FRMPD4: variants seen among roughly 807,000 people sequenced by gnomAD.
FRMPD4 encodes the protein FERM and PDZ domain containing 4, also known as FERM and PDZ domain-containing protein 4.
FRMPD4 carries 22 observed loss-of-function variants against 94.1 expected under a neutral mutation model. The ratio of observed to expected loss-of-function variants is 0.23; its 90% CI spans 0.17 to 0.33. FRMPD4 has a LOEUF of 0.33. Among genes scored for constraint, FRMPD4 ranks in the 10% least tolerant of loss-of-function variants. The pLI is 1.00. For synonymous variants in FRMPD4, 631 were observed against 548.6 expected (o/e 1.15, Z -2.10); for missense variants, 1,111 against 1,339.9 (o/e 0.83, Z 2.67).
At chrX:12,125,553 T>A (rs1435056174) in intron 3 of FRMPD4, among the ~76,000 whole-genome samples, 2 of 110,565 alleles carry the variant, frequency 1.8e-5, no homozygotes, top group Non-Finnish European at 3.8e-5. Context: ...TCCCCCCCGG[T>A]CCTTATCTGG....
intron 4 of FRMPD4, among the ~76,000 whole-genome samples, chrX:12,647,434 T>A (rs1312055225): frequency 9.0e-6 from 1 of 111,425 alleles, no homozygotes; most frequent in Non-Finnish European, 1.9e-5. Context: ...GTGGAGGTAT[T>A]TATACTCTAA....
chrX:12,452,010 T>G (rs963684513), intron 1 of FRMPD4, among the ~76,000 whole-genome samples: 2 of 110,555 alleles, frequency 1.8e-5, no homozygotes, highest in Admixed American at 9.7e-5. Context: ...TCAGAAGAGA[T>G]GCTGTATAAT....
intron 4 of FRMPD4, among the ~76,000 whole-genome samples, chrX:12,673,477 G>A (rs759301251): frequency 9.0e-6 from 1 of 111,539 alleles, no homozygotes; most frequent in South Asian, 3.8e-4. Context: ...AATTTTTGGG[G>A]GGATATAAAA....
At chrX:12,573,053 A>T (rs762645807) in intron 2 of FRMPD4, among the ~76,000 whole-genome samples, 1 of 112,554 alleles carries the variant, frequency 8.9e-6, no homozygotes, top group African/African-American at 3.2e-5. Context: ...CAGTTTCATC[A>T]TAGCGACTCT....
rs1276404481 is a variant in FRMPD4 at position 11,973,219 on chromosome X, C to T, written c.95+95201C>T. The stretch of plus-strand genomic sequence containing the variant: ...TTTTGTGTCTATTAATTCAGACTTC[C>T]ATCTATAGCTATGAATAAAGAAATC... On this transcript the variant is annotated intron_variant, in intron 3 of 18. Coordinates refer to the FRMPD4 transcript ENST00000640291. Among the ~76,000 whole-genome samples the T allele has an allele frequency of 5.3e-5, 6 of 112,516 alleles. No homozygotes were observed. In the South Asian group the frequency reaches 2.2e-3, roughly 41 times the overall value.
chrX:12,431,130 G>A (rs2057005311), intron 1 of FRMPD4, among the ~76,000 whole-genome samples: 1 of 112,657 alleles, frequency 8.9e-6, no homozygotes, highest in South Asian at 3.6e-4. Context: ...AACCCACTAT[G>A]CGTCAAGCAA....
In FRMPD4 at chrX:12,718,583, G is replaced by A; in HGVS notation, c.3757G>A (p.Gly1253Arg). 1 of 1,210,314 alleles carries A rather than the reference G, an allele frequency of 8.3e-7. No homozygotes were observed. Among genetic ancestry groups the A allele is most frequent in the Non-Finnish European group, 1.1e-6 (1 of 894,139 alleles). The change falls in exon 16 of 17, where the codon GGG (glycine) becomes AGG (arginine). Residue 1253 changes from glycine (G) to arginine (R), a missense_variant. By Grantham distance (125) the Gly-to-Arg change is moderately radical. Coordinates refer to ENST00000675598, the MANE Select transcript of FRMPD4 (RefSeq NM_001368397.1). ...LGKHLIPDAS[G>R]KGVNYIPSEE... ...GAAGCACTTGATTCCTGACGCTTCTGGGAAAGGCGTGAATTACATTCCTTC... is the reference window on the plus strand; with the variant it reads ...GAAGCACTTGATTCCTGACGCTTCTAGGAAAGGCGTGAATTACATTCCTTC...
intron 1 of FRMPD4, among the ~76,000 whole-genome samples, chrX:12,468,395 T>C (rs753057090): frequency 4.5e-5 from 5 of 111,836 alleles, no homozygotes; most frequent in Non-Finnish European, 9.4e-5. Flanking sequence ...ATGAGCAAGA[T>C]TGCATAAAAT....
chrX:11,993,085 CT>C (rs957379451), intron 3 of FRMPD4, among the ~76,000 whole-genome samples: 2 of 100,810 alleles, frequency 2.0e-5, no homozygotes, highest in African/African-American at 7.3e-5. Context: ...TTATTTTTTT[CT>C]GTTTACCAAA....
intron 1 of FRMPD4, among the ~76,000 whole-genome samples, chrX:12,338,732 C>T (rs2055564143): frequency 8.9e-6 from 1 of 112,289 alleles, no homozygotes; most frequent in South Asian, 3.7e-4. Flanking sequence ...TTAAGTTTTA[C>T]AACAACCATC....
rs1008115315 is a variant in FRMPD4, at chrX:11,841,703, T to C, written c.-161+18988T>C. Among the ~76,000 whole-genome samples the C allele has an allele frequency of 1.9e-4, 21 of 108,875 alleles. 1 individual carries two copies. Among genetic ancestry groups the C allele is most frequent in the Non-Finnish European group, 3.8e-5 (2 of 52,297 alleles). 94.5% of individuals were successfully genotyped at this position (108,875 alleles called of 115,157 possible). ...TTTCTCCCATGTTGTAGGTTGCCTGTTCACTCTGATGGTAGTTTCTTTTGC... is the reference window on the plus strand; with the variant it reads ...TTTCTCCCATGTTGTAGGTTGCCTGCTCACTCTGATGGTAGTTTCTTTTGC... On this transcript the variant is annotated intron_variant, in intron 1 of 18. Transcript: ENST00000640291.
At chrX:12,257,326 C>T (rs2054128372) in intron 1 of FRMPD4, among the ~76,000 whole-genome samples, 1 of 110,346 alleles carries the variant, frequency 9.1e-6, no homozygotes, top group African/African-American at 3.4e-5. Context: ...CCCTTTTCTA[C>T]CACCTTACAA....
chrX:12,250,038 CTCTCTCTCTCTGTG>C (rs2054012572), intron 1 of FRMPD4, among the ~76,000 whole-genome samples: 1 of 80,628 alleles, frequency 1.2e-5, no homozygotes, highest in Admixed American at 1.6e-4. Flanking sequence ...CTCTCTCTCT[CTCTCTCTCTCTGTG>C]TGTGTGTGTG....
At chrX:12,256,754 G>A (rs993010303) in intron 1 of FRMPD4, among the ~76,000 whole-genome samples, 2 of 111,664 alleles carry the variant, frequency 1.8e-5, no homozygotes, top group African/African-American at 6.5e-5. Flanking sequence ...AACTGTTCAA[G>A]GTCACCCCCT....
intron 3 of FRMPD4, among the ~76,000 whole-genome samples, chrX:12,006,794 A>C (rs2147410625): frequency 8.9e-6 from 1 of 111,915 alleles, no homozygotes. Flanking sequence ...GAATTCTAAA[A>C]TGTGACCACC....
intron 1 of FRMPD4, among the ~76,000 whole-genome samples, chrX:12,367,295 C>G (rs1260664686): frequency 8.9e-6 from 1 of 112,229 alleles, no homozygotes; most frequent in East Asian, 2.8e-4. Flanking sequence ...TGGACCACCT[C>G]TGGGTGGGCA....
intron 1 of FRMPD4, among the ~76,000 whole-genome samples, chrX:12,413,912 C>A (rs1569266516): frequency 8.9e-6 from 1 of 112,011 alleles, no homozygotes. Flanking sequence ...GGCAATATTT[C>A]AGTCTTCTAT....
chrX:11,932,312 A>T (rs767344264), intron 3 of FRMPD4, among the ~76,000 whole-genome samples: 190 of 112,335 alleles, frequency 1.7e-3, no homozygotes, highest in Middle Eastern at 9.2e-3. Context: ...TTTCATCTTT[A>T]CTGAATAATT....
At chrX:12,691,261 T>G (rs187093737) in intron 8 of FRMPD4, among the ~76,000 whole-genome samples, 6 of 111,015 alleles carry the variant, frequency 5.4e-5, no homozygotes, top group Admixed American at 3.8e-4. Context: ...TGGGGTTTTT[T>G]TTGTTGTTGT....
Sources: gnomAD v4.1 joint callset for allele counts (sites outside exome capture counted in the v4.1 genomes callset) on GRCh38, gnomAD v4.1.1 for gene constraint, MANE v1.5 for transcripts, NCBI Gene and HGNC (gene_info 2026-07-23, HGNC 2026-07-21) for gene names.